KLHDC8A: variants seen among roughly 807,000 people sequenced by gnomAD.
KLHDC8A encodes kelch domain containing 8A.
In KLHDC8A, 21 loss-of-function variants were observed where a neutral mutation model predicts 33.1. The observed-to-expected ratio is 0.64, with a 90% CI of 0.45 to 0.91. The LOEUF (loss-of-function observed/expected upper bound fraction) is 0.91, where lower values mean the gene tolerates loss of function less well. Among genes scored for constraint, KLHDC8A ranks in the 40% least tolerant of loss-of-function variants. The pLI, the probability that KLHDC8A is intolerant of heterozygous loss-of-function variation, is 0.00. For synonymous variants in KLHDC8A, 173 were observed against 193.5 expected (o/e 0.89, Z 0.88); for missense variants, 435 against 483.3 (o/e 0.90, Z 0.94).
At chr1:205,351,239 T>C (rs1663095783) in intron 1 of KLHDC8A, 7 of 806,038 alleles carry the variant, frequency 8.7e-6, no homozygotes, top group Admixed American at 6.8e-5. Context: ...GCCCGCGGAG[T>C]ATACACCATG....
Position 205,343,808 on chromosome 1 carries a change from C to A in KLHDC8A, c.-189-15G>T. 2 of 590,012 alleles carry A rather than the reference C, an allele frequency of 3.4e-6. No homozygotes were observed. The highest frequency in any genetic ancestry group is 3.6e-5 in the Admixed American group (1 of 27,944). 36.5% of individuals were successfully genotyped at this position (590,012 alleles called of 1,614,324 possible). ...CACGCCTGGCCCTGCGGGGGGAACG[C>A]GGTGAATCAAGGGCAGCTGGGGCCA... On this transcript the variant is annotated splice_polypyrimidine_tract_variant and intron_variant, in intron 1 of 5. Transcript: ENST00000367155.
Position 205,343,525 on chromosome 1 carries a change from A to C in KLHDC8A, c.80T>G (p.Leu27Arg), listed in dbSNP as rs758332835. The C allele has an allele frequency of 8.1e-6, 13 of 1,613,220 alleles. No individual in the cohort carries two copies. The highest frequency in any genetic ancestry group is 1.1e-5 in the Non-Finnish European group (13 of 1,179,796). The change falls in exon 2 of 6, where the codon CTG (leucine) becomes CGG (arginine). Residue 27 changes from leucine to arginine, a missense_variant. By Grantham distance (102) the Leu-to-Arg change is moderately radical. Coordinates refer to ENST00000367155, the MANE Select transcript of KLHDC8A (RefSeq NM_018203.3). ...GGCATAGACCTGGCCCCCGGTCTCC[A>C]GCAGGGAGCAGTAGACCCGGCGGCT... The part of the protein sequence containing the change: ...LPSRRVYCSL[L>R]ETGGQVYAIG...
chr1:205,352,648 T>A lies in KLHDC8A; in HGVS notation c.-190+3885A>T, dbSNP rs563225341. ...GTGTATATGTGTGTCTAAGAAGCCA[T>A]GAGAGTCTGGAAAGGTGAGAACCAG... On this transcript the variant is annotated intron_variant, in intron 1 of 5. Transcript: ENST00000367155. Among the ~76,000 whole-genome samples the A allele has an allele frequency of 2.0e-5, 3 of 152,134 alleles. No individual in the cohort carries two copies. The East Asian group carries it at 5.8e-4, about 29-fold the overall frequency.
At chr1:205,354,673 C>T (rs1223417127) in intron 1 of KLHDC8A, among the ~76,000 whole-genome samples, 2 of 152,070 alleles carry the variant, frequency 1.3e-5, no homozygotes, top group Non-Finnish European at 2.9e-5. Context: ...ATAAGTGTCT[C>T]AAGGCAGGTG....
rs1400152679 is a variant in KLHDC8A at position 205,343,399 on chromosome 1, C to T, written c.206G>A (p.Arg69Gln). 2 of 1,613,334 alleles carry T rather than the reference C, an allele frequency of 1.2e-6. No homozygotes were observed. Among genetic ancestry groups the T allele is most frequent in the Non-Finnish European group, 1.7e-6 (2 of 1,179,804 alleles). Residue 69 changes from arginine to glutamine, a missense_variant, in exon 2 of 6, where the codon CGG becomes CAG. Coordinates refer to ENST00000367155, the MANE Select transcript of KLHDC8A (RefSeq NM_018203.3). Reference protein sequence around the residue: ...WTALPRLPTARAGVAVTALGK... With the variant: ...WTALPRLPTAQAGVAVTALGK... ...CAGGGCGGTGACGGCCACCCCCGCC[C>T]GGGCTGTGGGCAGCCGGGGCAAGGC...
intron 1 of KLHDC8A, among the ~76,000 whole-genome samples, chr1:205,349,222 G>A (rs1663028054): frequency 6.6e-6 from 1 of 152,198 alleles, no homozygotes; most frequent in African/African-American, 2.4e-5. Flanking sequence ...CCTTGCAGGT[G>A]GAGGGCTGGA....
chr1:205,343,060 C>T (rs1385973478), intron 2 of KLHDC8A, among the ~76,000 whole-genome samples, 169 bp downstream of exon 2: 1 of 152,130 alleles, frequency 6.6e-6, no homozygotes, highest in African/African-American at 2.4e-5. Context: ...GTTTCAGGGG[C>T]TGGGGTGTGG....
chr1:205,339,164 A>C lies in KLHDC8A; in HGVS notation c.757+30T>G. The stretch of plus-strand genomic sequence containing the variant: ...CCAGCCAGAAGGGCAGTGGGCAGCC[A>C]GAGCTTCCTGGGGAAGGTGACCAGC... On this transcript the variant is annotated intron_variant, in intron 4 of 5. Transcript: ENST00000367155. The surrounding 1 kb of genome is among the most constrained non-coding windows in gnomAD (Gnocchi z 5.1). 1.9e-6 allele frequency: 3 copies of C among 1,592,432 alleles called. No individual in the cohort carries two copies. The highest frequency in any genetic ancestry group is 2.6e-6 in the Non-Finnish European group (3 of 1,161,830).
chr1:205,339,790 G>C lies in KLHDC8A; in HGVS notation c.395C>G (p.Ala132Gly). The change falls in exon 3 of 6, where the codon GCA becomes GGA. Residue 132 changes from alanine (A) to glycine (G), a missense_variant. By Grantham distance (60) the Ala-to-Gly change is moderately conservative. Coordinates refer to ENST00000367155, the MANE Select transcript of KLHDC8A (RefSeq NM_018203.3). This position sits in a 1 kb window ranked among gnomAD's most constrained non-coding sequence, Gnocchi z 5.1. ...ACGTAGGTCCAGGCCCATCCCGCCT[G>C]CCGCATATACTCGGTAATCTAAGAA... The part of the protein sequence containing the change: ...VTAKDYRVYA[A>G]GGMGLDLRPH... 7.4e-6 allele frequency: 12 copies of C among 1,613,960 alleles called. No homozygotes were observed. Among genetic ancestry groups the C allele is most frequent in the Non-Finnish European group, 1.0e-5 (12 of 1,179,966 alleles).
At chr1:205,352,552 G>A (rs1310097472) in intron 1 of KLHDC8A, among the ~76,000 whole-genome samples, 1 of 152,250 alleles carries the variant, frequency 6.6e-6, no homozygotes, top group Non-Finnish European at 1.5e-5. Context: ...CATCTGGCGT[G>A]CTGACCTGTG....
At chr1:205,352,262 G>A (rs1663135018) in intron 1 of KLHDC8A, among the ~76,000 whole-genome samples, 3 of 152,150 alleles carry the variant, frequency 2.0e-5, no homozygotes, top group South Asian at 2.1e-4. Context: ...GGGAGGTCCC[G>A]CTCACTCTCC....
chr1:205,354,250 C>T (rs1663201196), intron 1 of KLHDC8A, among the ~76,000 whole-genome samples: 1 of 152,248 alleles, frequency 6.6e-6, no homozygotes, highest in South Asian at 2.1e-4. Flanking sequence ...TATCTATTTT[C>T]ATCACCTTTT....
chr1:205,349,340 A>T (rs1663031085), intron 1 of KLHDC8A, among the ~76,000 whole-genome samples: 1 of 151,694 alleles, frequency 6.6e-6, no homozygotes, highest in African/African-American at 2.4e-5. Context: ...GCTCCCTCCC[A>T]CTCCAGTGCA....
At chr1:205,352,663 G>T (rs914704700) in intron 1 of KLHDC8A, among the ~76,000 whole-genome samples, 3 of 152,224 alleles carry the variant, frequency 2.0e-5, no homozygotes, top group African/African-American at 7.2e-5. Context: ...GTCTGGAAAG[G>T]TGAGAACCAG....
intron 1 of KLHDC8A, among the ~76,000 whole-genome samples, chr1:205,345,596 C>T (rs961829428): frequency 6.6e-6 from 1 of 150,982 alleles, no homozygotes; most frequent in African/African-American, 2.4e-5. Flanking sequence ...AAAAAATTAG[C>T]CAGGCATGGT....
Position 205,337,388 on chromosome 1 carries a change from C to G in KLHDC8A, c.*11G>C. 2 of 1,608,396 alleles carry G rather than the reference C, an allele frequency of 1.2e-6. No individual in the cohort carries two copies. Among genetic ancestry groups the G allele is most frequent in the Non-Finnish European group, 1.7e-6 (2 of 1,176,164 alleles). The stretch of plus-strand genomic sequence containing the variant: ...TATGGTCCAGGGCAAAGGTACTGAG[C>G]CCAGAGACAGCTAGGAGTCAGAGAC... On this transcript the variant is annotated 3_prime_UTR_variant, in exon 6 of 6. Coordinates refer to ENST00000367155, the MANE Select transcript of KLHDC8A (RefSeq NM_018203.3).
Position 205,343,502 on chromosome 1 carries a change from C to T in KLHDC8A, c.103G>A (p.Ala35Thr), listed in dbSNP as rs1662852720. 6.2e-7 allele frequency: 1 copy of T among 1,613,376 alleles called. No homozygotes were observed. The highest frequency in any genetic ancestry group is 1.1e-5 in the South Asian group (1 of 91,088). ...SLLETGGQVY[A>T]IGGCDDNGVP... The stretch of plus-strand genomic sequence containing the variant: ...CCGTTGTCGTCACATCCCCCGATGG[C>T]ATAGACCTGGCCCCCGGTCTCCAGC... The change falls in exon 2 of 6, where the codon GCC becomes ACC. Residue 35 changes from alanine to threonine, a missense_variant. By Grantham distance (58) the Ala-to-Thr change is moderately conservative. Transcript: ENST00000367155.
At chr1:205,347,971 C>T (rs1460489163) in intron 1 of KLHDC8A, among the ~76,000 whole-genome samples, 1 of 152,132 alleles carries the variant, frequency 6.6e-6, no homozygotes, top group Non-Finnish European at 1.5e-5. Context: ...GATTTGAACT[C>T]CTGAGGTCAA....
chr1:205,351,932 A>AT (rs1379803279), intron 1 of KLHDC8A, among the ~76,000 whole-genome samples: 1 of 147,620 alleles, frequency 6.8e-6, no homozygotes, highest in Non-Finnish European at 1.5e-5. Context: ...AAAAAAAAAA[A>AT]GGAGGTTTTC....
Sources: allele counts gnomAD v4.1 joint callset (sites outside exome capture counted in the v4.1 genomes callset), GRCh38; gene constraint gnomAD v4.1.1; non-coding constraint Gnocchi (gnomAD v3.1); transcripts MANE v1.5; gene names NCBI Gene and HGNC (gene_info 2026-07-23, HGNC 2026-07-21).